ALDOC: variants seen among roughly 807,000 people sequenced by gnomAD.
The protein encoded by ALDOC is fructose-bisphosphate aldolase C.
A neutral mutation model predicts 39.5 loss-of-function variants in ALDOC; 23 were observed. That is an observed-to-expected ratio of 0.58 (90% CI 0.42 to 0.82). The LOEUF (loss-of-function observed/expected upper bound fraction) is 0.82, where lower values mean the gene tolerates loss of function less well. ALDOC is among the 40% of genes least tolerant of loss of function. The pLI is 0.00. For synonymous variants in ALDOC, 160 were observed against 182.6 expected, an observed-to-expected ratio of 0.88 and a Z score of 1.00; for missense variants, 356 against 479.1, an observed-to-expected ratio of 0.74 and a Z score of 2.40.
Position 28,574,100 on chromosome 17 carries a change from C to A in ALDOC, c.766G>T (p.Ala256Ser). 6.2e-7 allele frequency: 1 copy of A among 1,603,694 alleles called. No homozygotes were observed. The change falls in exon 7 of 9, where the codon GCC becomes TCC. Residue 256 changes from alanine (A) to serine (S), a missense_variant. By Grantham distance (99) the Ala-to-Ser change is moderately conservative. Coordinates refer to ENST00000226253, the MANE Select transcript of ALDOC (RefSeq NM_005165.3). ...GCTGGGGGCACAGTGCGACGCAGGG[C>A]AGTGACAGTTGCCATGGCAATCTCC... is the stretch of plus-strand genomic sequence containing the variant. ...PEEIAMATVT[A>S]LRRTVPPAVP...
intron 1 of ALDOC, 82 bp downstream of exon 1, chr17:28,576,719 G>A: frequency 2.2e-6 from 2 of 910,076 alleles, no homozygotes; most frequent in Non-Finnish European, 2.6e-6. Flanking sequence ...CGGAGTCCCA[G>A]GTAGCAGGAC....
chr17:28,573,912 ACC>A lies in ALDOC; in HGVS notation c.820_821del (p.Gly274SerfsTer52). 2 of 1,613,848 alleles carry A rather than the reference ACC, an allele frequency of 1.2e-6. No homozygotes were observed. The highest frequency in any genetic ancestry group is 1.7e-6 in the Non-Finnish European group (2 of 1,179,956). Reference sequence around the variant, plus strand: ...TGAATGATGCCTCTTCTTCGCTCTGACCCCCAGACAGGAAGGTCACTCCTAGT... The same window carrying A: ...TGAATGATGCCTCTTCTTCGCTCTGACCCAGACAGGAAGGTCACTCCTAGT... ...AVPGVTFLSGGQSEEEASFNL... is the reference protein window; with the variant it reads ...AVPGVTFLSGXQSEEEASFNL... On this transcript the variant is annotated frameshift_variant, in exon 8 of 9. Coordinates refer to ENST00000226253, the MANE Select transcript of ALDOC (RefSeq NM_005165.3). LOFTEE classifies it high-confidence loss of function. This position sits in a 1 kb window ranked among gnomAD's most constrained non-coding sequence, Gnocchi z 4.3.
chr17:28,574,301 T>C, intron 6 of ALDOC, 60 bp from the exon 7 acceptor site: 1 of 1,531,552 alleles, frequency 6.5e-7, no homozygotes, highest in Non-Finnish European at 8.9e-7. Context: ...TACTGCTCGA[T>C]GCTCCCTATG....
In ALDOC at chr17:28,574,680, C is replaced by G. The variant is rs780034115; in HGVS notation, c.540+16G>C. 3 of 1,614,076 alleles carry G rather than the reference C, an allele frequency of 1.9e-6. No homozygotes were observed. In the South Asian group the frequency reaches 3.3e-5, roughly 18 times the overall value. On this transcript the variant is annotated intron_variant, in intron 5 of 8. Coordinates refer to ENST00000226253, the MANE Select transcript of ALDOC (RefSeq NM_005165.3). ...CATACAGGGCACCTAGCTCACCACC[C>G]TCCCAACACACACACCTGCTGGCAG...
chr17:28,573,471 C>G lies in ALDOC; in HGVS notation c.*55G>C, dbSNP rs2070451117. 8.3e-6 allele frequency: 13 copies of G among 1,566,070 alleles called. No individual in the cohort carries two copies. Among genetic ancestry groups the G allele is most frequent in the Non-Finnish European group, 1.1e-5 (13 of 1,136,562 alleles). On this transcript the variant is annotated 3_prime_UTR_variant, in exon 9 of 9. Transcript: ENST00000226253. The surrounding 1 kb of genome is among the most constrained non-coding windows in gnomAD (Gnocchi z 4.3). ...AGCTATTTGGCCCTGGCCATGACTACAAGCAAAAGTGGGTGCAGATGGCTG... is the reference window on the plus strand; with the variant it reads ...AGCTATTTGGCCCTGGCCATGACTAGAAGCAAAAGTGGGTGCAGATGGCTG...
intron 1 of ALDOC, 92 bp downstream of exon 1, chr17:28,576,709 C>G (rs558137738): frequency 2.4e-6 from 2 of 839,208 alleles, no homozygotes; most frequent in South Asian, 5.5e-5. Context: ...GGGCACATCC[C>G]GGAGTCCCAG....
chr17:28,575,900 A>T lies in ALDOC; in HGVS notation c.-12-356T>A. 1.1e-6 allele frequency: 1 copy of T among 951,768 alleles called. No homozygotes were observed. Among genetic ancestry groups the T allele is most frequent in the African/African-American group, 1.7e-5 (1 of 57,480 alleles). 59.0% of individuals were successfully genotyped at this position (951,768 alleles called of 1,614,324 possible). On this transcript the variant is annotated intron_variant, in intron 1 of 8. Transcript: ENST00000226253. This position sits in a 1 kb window ranked among gnomAD's most constrained non-coding sequence, Gnocchi z 4.3. The stretch of plus-strand genomic sequence containing the variant: ...TTGGTCCCTTGTTGAGGTAGGCAAA[A>T]GTCCTGGCCTTTCCAGCTTCCCTTT...
chr17:28,573,480 G>C lies in ALDOC; in HGVS notation c.*46C>G. 1 of 1,582,598 alleles carries C rather than the reference G, an allele frequency of 6.3e-7. No homozygotes were observed. Among genetic ancestry groups the C allele is most frequent in the Non-Finnish European group, 8.7e-7 (1 of 1,151,472 alleles). ...GCCCTGGCCATGACTACAAGCAAAA[G>C]TGGGTGCAGATGGCTGGGCCAAGGG... On this transcript the variant is annotated 3_prime_UTR_variant, in exon 9 of 9. Transcript: ENST00000226253. The surrounding 1 kb of genome is among the most constrained non-coding windows in gnomAD (Gnocchi z 4.3).
At position 28,576,830 on chromosome 17, in the gene ALDOC, A is replaced by G; in HGVS notation, c.-42T>C. ...GCGCAGCCAGTTAGCAGCCGCAGCC[A>G]CAAGCACAGCTCGGGTTCTGATCCG... On this transcript the variant is annotated 5_prime_UTR_variant, in exon 1 of 9. Coordinates refer to ENST00000226253, the MANE Select transcript of ALDOC (RefSeq NM_005165.3). 1.0e-6 allele frequency: 1 copy of G among 985,420 alleles called. No individual in the cohort carries two copies. Among genetic ancestry groups the G allele is most frequent in the Non-Finnish European group, 1.2e-6 (1 of 829,942 alleles). The allele number at this position is 985,420 out of a possible 1,614,324, so 61.0% of individuals were successfully genotyped here. A position where few individuals can be genotyped will look rare whatever the true frequency, so the allele number is the denominator to read the frequency against.
Position 28,575,686 on chromosome 17 carries a change from A to T in ALDOC, c.-12-142T>A. 9.5e-7 allele frequency: 1 copy of T among 1,048,966 alleles called. No homozygotes were observed. The highest frequency in any genetic ancestry group is 2.6e-5 in the East Asian group (1 of 37,850). The allele number at this position is 1,048,966 out of a possible 1,614,324, so 65.0% of individuals were successfully genotyped here. A position where few individuals can be genotyped will look rare whatever the true frequency, so the allele number is the denominator to read the frequency against. On this transcript the variant is annotated intron_variant, in intron 1 of 8. Transcript: ENST00000226253. This position sits in a 1 kb window ranked among gnomAD's most constrained non-coding sequence, Gnocchi z 4.3. ...GCATGAGTCCTGGGCATCAAGTGGC[A>T]CCAGTCCTTCTGACAGCTAGCAAGC...
chr17:28,574,420 T>C (rs2070462212), intron 6 of ALDOC, 74 bp downstream of exon 6: 4 of 1,528,798 alleles, frequency 2.6e-6, no homozygotes, highest in Non-Finnish European at 3.6e-6. Flanking sequence ...GGATCTAAGC[T>C]GGGGGTTCTG....
rs2070450542 is a variant in ALDOC at position 28,573,407 on chromosome 17, G to C, written c.*119C>G. The C allele has an allele frequency of 3.4e-6, 3 of 876,480 alleles. No individual in the cohort carries two copies. Among genetic ancestry groups the C allele is most frequent in the African/African-American group, 1.6e-5 (1 of 61,092 alleles). 54.3% of individuals were successfully genotyped at this position (876,480 alleles called of 1,614,324 possible). A position where few individuals can be genotyped will look rare whatever the true frequency, so the allele number is the denominator to read the frequency against. ...GAGGGGAAGGGAAGAGAGAAAGGAA[G>C]ACAAGTTGGTGCCAGGTGAAGGCAT... On this transcript the variant is annotated 3_prime_UTR_variant, in exon 9 of 9. Transcript: ENST00000226253. This position sits in a 1 kb window ranked among gnomAD's most constrained non-coding sequence, Gnocchi z 4.3.
At chr17:28,574,035 G>A (rs760607303) in intron 7 of ALDOC, 32 bp downstream of exon 7, 3 of 1,598,656 alleles carry the variant, frequency 1.9e-6, no homozygotes, top group East Asian at 2.2e-5. Context: ...TGGGCCTTAG[G>A]GATAGGAGCA....
chr17:28,573,246 A>G lies in ALDOC; in HGVS notation c.*280T>C. The G allele has an allele frequency of 1.9e-6, 1 of 531,410 alleles. No individual in the cohort carries two copies. Among genetic ancestry groups the G allele is most frequent in the South Asian group, 2.1e-5 (1 of 47,564 alleles). 32.9% of individuals were successfully genotyped at this position (531,410 alleles called of 1,614,324 possible). On this transcript the variant is annotated 3_prime_UTR_variant, in exon 9 of 9. Coordinates refer to ENST00000226253, the MANE Select transcript of ALDOC (RefSeq NM_005165.3). The surrounding 1 kb of genome is among the most constrained non-coding windows in gnomAD (Gnocchi z 4.3). ...GAGCCCAGGGAGAAGCTACCTCATC[A>G]TGGGAAAATTGTGGGAGCTGGAAGA... is the stretch of plus-strand genomic sequence containing the variant.
chr17:28,573,723 G>A lies in ALDOC; in HGVS notation c.999+12C>T. ...GTGCTGCCCCCACCCACCACCACCT[G>A]TAGCTCCCAACCTCAGCCCGCTTGA... On this transcript the variant is annotated intron_variant, in intron 8 of 8. Coordinates refer to ENST00000226253, the MANE Select transcript of ALDOC (RefSeq NM_005165.3). The surrounding 1 kb of genome is among the most constrained non-coding windows in gnomAD (Gnocchi z 4.3). 1.9e-6 allele frequency: 3 copies of A among 1,614,076 alleles called. No individual in the cohort carries two copies. Among genetic ancestry groups the A allele is most frequent in the African/African-American group, 2.7e-5 (2 of 75,058 alleles).
In ALDOC at chr17:28,575,005, A is replaced by G. The variant is rs2151516994; in HGVS notation, c.326T>C (p.Val109Ala). ...QDKGIVVGIK[V>A]DKGVVPLAGT... ...AGCTAGAGGCACCACACCCTTGTCA[A>G]CCTGTAGAGGAAGTACAAGCAGAGG... The change falls in exon 4 of 9, where the codon GTT becomes GCT. Residue 109 changes from valine to alanine, a missense_variant and splice_region_variant. Physicochemically the swap from Val to Ala is moderately conservative, Grantham distance 64 (BLOSUM62 0). Coordinates refer to ENST00000226253, the MANE Select transcript of ALDOC (RefSeq NM_005165.3). This position sits in a 1 kb window ranked among gnomAD's most constrained non-coding sequence, Gnocchi z 4.3. 1 of 1,614,084 alleles carries G rather than the reference A, an allele frequency of 6.2e-7. No homozygotes were observed. Among genetic ancestry groups the G allele is most frequent in the Non-Finnish European group, 8.5e-7 (1 of 1,180,014 alleles).
In ALDOC at chr17:28,575,116, G is replaced by T; in HGVS notation, c.324+7C>A. 6.2e-7 allele frequency: 1 copy of T among 1,614,194 alleles called. No homozygotes were observed. The highest frequency in any genetic ancestry group is 8.5e-7 in the Non-Finnish European group (1 of 1,180,022). Reference sequence around the variant, plus strand: ...GCTTCCATTCAGAGCAGGGCCAGGGGCTGCACCTTGATGCCCACGACGATG... The same window carrying T: ...GCTTCCATTCAGAGCAGGGCCAGGGTCTGCACCTTGATGCCCACGACGATG... On this transcript the variant is annotated splice_region_variant and intron_variant, in intron 3 of 8. Coordinates refer to ENST00000226253, the MANE Select transcript of ALDOC (RefSeq NM_005165.3). This position sits in a 1 kb window ranked among gnomAD's most constrained non-coding sequence, Gnocchi z 4.3.
rs529545226 is a variant in ALDOC, at chr17:28,575,273, C to T, written c.174G>A (p.Leu58=). ...CAGCACTGAACAGGACCTGGCGGTA[C>T]AGCCGGCGGTTCTCCTCTGTGTTTT... is the stretch of plus-strand genomic sequence containing the variant. ...GVENTEENRR[L]YRQVLFSADD... Residue 58 remains leucine (L), a synonymous_variant, in exon 3 of 9, where the codon CTG becomes CTA. Transcript: ENST00000226253. This position sits in a 1 kb window ranked among gnomAD's most constrained non-coding sequence, Gnocchi z 4.3. The T allele has an allele frequency of 5.0e-6, 8 of 1,614,206 alleles. No individual in the cohort carries two copies. The Admixed American group carries it at 5.0e-5, about 10-fold the overall frequency.
chr17:28,574,675 C>T (rs1388916723), intron 5 of ALDOC, 21 bp downstream of exon 5: 1 of 1,614,012 alleles, frequency 6.2e-7, no homozygotes, highest in Non-Finnish European at 8.5e-7. Flanking sequence ...ACCTAGCTCA[C>T]CACCCTCCCA....
Sources: allele counts gnomAD v4.1 joint callset, GRCh38; gene constraint gnomAD v4.1.1; non-coding constraint Gnocchi (gnomAD v3.1); transcripts MANE v1.5; gene names NCBI Gene and HGNC (gene_info 2026-07-23, HGNC 2026-07-21).